The following DNAJC6 variants were observed in gnomAD, a reference collection of about 807,000 sequenced individuals.
DNAJC6 encodes DnaJ heat shock protein family (Hsp40) member C6.
DNAJC6 carries 34 observed loss-of-function variants against 110.0 expected under a neutral mutation model. The ratio of observed to expected loss-of-function variants is 0.31; its 90% CI spans 0.24 to 0.41. The LOEUF (loss-of-function observed/expected upper bound fraction) is 0.41, where lower values mean the gene tolerates loss of function less well. Ranked by LOEUF, DNAJC6 falls within the 10% of genes least tolerant of loss-of-function variation. The pLI is 1.00. For synonymous variants in DNAJC6, 406 were observed against 437.2 expected, an observed-to-expected ratio of 0.93 and a Z score of 0.89; for missense variants, 1,031 against 1,207.8, an observed-to-expected ratio of 0.85 and a Z score of 2.17.
At chr1:65,401,051 A>G (rs1646025623) in intron 14 of DNAJC6, among the ~76,000 whole-genome samples, 2 of 151,806 alleles carry the variant, frequency 1.3e-5, no homozygotes, top group African/African-American at 4.8e-5. Flanking sequence ...TTTGATTTGC[A>G]TTTCTATGAT....
In DNAJC6 at chr1:65,283,523, G is replaced by GATATAGC. The variant is rs138732073; in HGVS notation, c.-131+18595_-131+18601dup. Among the ~76,000 whole-genome samples the GATATAGC allele has an allele frequency of 3.8e-3, 582 of 152,184 alleles. 1 individual carries two copies. Among genetic ancestry groups the GATATAGC allele is most frequent in the African/African-American group, 0.013 (560 of 41,530 alleles). On this transcript the variant is annotated intron_variant, in intron 1 of 19. Transcript: ENST00000263441. Reference sequence around the variant, plus strand: ...CTGCTGAGTAGTATTCCCTAAAATGGATATAGCATAATTTGTTAAAATATT... The same window carrying GATATAGC: ...CTGCTGAGTAGTATTCCCTAAAATGGATATAGCATATAGCATAATTTGTTAAAATATT...
At chr1:65,285,359 C>T (rs942937912) in intron 1 of DNAJC6, among the ~76,000 whole-genome samples, 2 of 152,166 alleles carry the variant, frequency 1.3e-5, no homozygotes, top group Non-Finnish European at 2.9e-5. Flanking sequence ...ATCTTATTGC[C>T]CCTGCCTTAG....
intron 9 of DNAJC6, 26 bp from the exon 10 acceptor site, chr1:65,389,230 T>C: frequency 5.0e-6 from 8 of 1,599,308 alleles, no homozygotes; most frequent in Non-Finnish European, 6.8e-6. Flanking sequence ...TTTCACTGAA[T>C]TTATCTTTTT....
chr1:65,380,339 C>T (rs1342915838), intron 5 of DNAJC6, among the ~76,000 whole-genome samples: 2 of 152,202 alleles, frequency 1.3e-5, no homozygotes, highest in African/African-American at 4.8e-5. Flanking sequence ...TTTAAAGCTT[C>T]TATAAACTTT....
chr1:65,284,646 C>T (rs1021775951), intron 1 of DNAJC6, among the ~76,000 whole-genome samples: 2 of 152,092 alleles, frequency 1.3e-5, no homozygotes, highest in African/African-American at 4.8e-5. Flanking sequence ...AGTGTTTTCC[C>T]CAAATTTTGG....
At chr1:65,264,787 G>C (rs1322525868) in exon 1 of DNAJC6, 1 of 1,512,768 alleles carries the variant, frequency 6.6e-7, no homozygotes, top group East Asian at 2.4e-5. Flanking sequence ...ATCATAGCCC[G>C]AGTGCTCCTC....
In DNAJC6 at chr1:65,364,756, A is replaced by G. The variant is rs759323525; in HGVS notation, c.315A>G (p.Thr105=). The G allele has an allele frequency of 3.1e-6, 5 of 1,613,172 alleles. No individual in the cohort carries two copies. Among genetic ancestry groups the G allele is most frequent in the African/African-American group, 1.3e-5 (1 of 74,860 alleles). Residue 105 remains threonine, a synonymous_variant, in exon 2 of 19, where the codon ACA becomes ACG. Coordinates refer to ENST00000371069, the MANE Select transcript of DNAJC6 (RefSeq NM_001256864.2). ...KDNLKDTLKD[T]SSRVIQSVTS... ...ACTTGAAAGACACCCTCAAAGACAC[A>G]TCTTCTAGAGTGATACAATCTGTGA...
intron 1 of DNAJC6, chr1:65,278,907 A>T: frequency 1.1e-6 from 1 of 945,934 alleles, no homozygotes; most frequent in Non-Finnish European, 1.3e-6. Flanking sequence ...GCTGGGCGAC[A>T]TTCTCAGAAT....
intron 1 of DNAJC6, among the ~76,000 whole-genome samples, chr1:65,347,284 C>T (rs990109666): frequency 6.6e-6 from 1 of 152,146 alleles, no homozygotes; most frequent in African/African-American, 2.4e-5. Context: ...TTATTTTCTT[C>T]TCTATCTTAA....
chr1:65,383,823 C>T (rs1288393573), intron 5 of DNAJC6, among the ~76,000 whole-genome samples: 2 of 152,184 alleles, frequency 1.3e-5, no homozygotes, highest in African/African-American at 4.8e-5. Context: ...TGCCATATCC[C>T]AACAAGCAGC....
intron 13 of DNAJC6, among the ~76,000 whole-genome samples, chr1:65,398,076 T>C (rs1288351844): frequency 6.6e-6 from 1 of 152,218 alleles, no homozygotes; most frequent in Non-Finnish European, 1.5e-5. Flanking sequence ...TTTATAGATG[T>C]GTAAAAAACT....
rs369274494 is a variant in DNAJC6, at chr1:65,406,085, G to T, written c.2443G>T (p.Ala815Ser). The T allele has an allele frequency of 1.1e-5, 18 of 1,614,112 alleles. No homozygotes were observed. The African/African-American group carries it at 1.6e-4, about 14-fold the overall frequency. ...NRPNYNVSFS[A>S]MPGGQNERGK... ...ACCCAACTACAACGTGAGCTTCTCA[G>T]CCATGCCTGGGGGCCAGAACGAACG... Residue 815 changes from alanine (A) to serine (S), a missense_variant, in exon 16 of 19, where the codon GCC becomes TCC. Physicochemically the swap from Ala to Ser is moderately conservative, Grantham distance 99. Coordinates refer to ENST00000371069, the MANE Select transcript of DNAJC6 (RefSeq NM_001256864.2).
chr1:65,397,700 G>C (rs764678237), intron 13 of DNAJC6, among the ~76,000 whole-genome samples: 2 of 152,090 alleles, frequency 1.3e-5, no homozygotes, highest in Admixed American at 6.5e-5. Context: ...CAGATAGAAC[G>C]TACTAGCAAA....
At chr1:65,302,757 G>T (rs1645001031) in intron 1 of DNAJC6, among the ~76,000 whole-genome samples, 1 of 150,782 alleles carries the variant, frequency 6.6e-6, no homozygotes, top group Non-Finnish European at 1.5e-5. Context: ...GGATGGTCTC[G>T]ATCTCCTGAC....
At chr1:65,298,318 TG>T (rs1644946447) in intron 1 of DNAJC6, among the ~76,000 whole-genome samples, 1 of 151,974 alleles carries the variant, frequency 6.6e-6, no homozygotes, top group Non-Finnish European at 1.5e-5. Context: ...TGGGTGAAGG[TG>T]GGAGGTGAGG....
At position 65,355,882 on chromosome 1, in the gene DNAJC6, C is replaced by CTTT. The variant is rs372078909; in HGVS notation, c.194-8732_194-8730dup. Among the ~76,000 whole-genome samples, 275 of 82,852 alleles carry CTTT rather than the reference C, an allele frequency of 3.3e-3. 21 individuals carry two copies. The highest frequency in any genetic ancestry group is 0.011 in the African/African-American group (220 of 20,868). The allele number at this position is 82,852 out of a possible 152,430, so 54.4% of individuals were successfully genotyped here. On this transcript the variant is annotated intron_variant, in intron 1 of 18. Coordinates refer to ENST00000371069, the MANE Select transcript of DNAJC6 (RefSeq NM_001256864.2). ...TTAACCCTGAAATGGAACAGCATGGCTTTTTTTTTTTTTTTTTTTTTTTCT... is the reference window on the plus strand; with the variant it reads ...TTAACCCTGAAATGGAACAGCATGGCTTTTTTTTTTTTTTTTTTTTTTTTTTCT...
chr1:65,303,687 T>A (rs1417386365), intron 1 of DNAJC6, among the ~76,000 whole-genome samples: 1 of 152,120 alleles, frequency 6.6e-6, no homozygotes, highest in Non-Finnish European at 1.5e-5. Context: ...GCCTCCTGAG[T>A]AGCTGGAGCT....
At chr1:65,378,574 C>T (rs886173018) in intron 4 of DNAJC6, among the ~76,000 whole-genome samples, 1 of 152,200 alleles carries the variant, frequency 6.6e-6, no homozygotes, top group Admixed American at 6.5e-5. Context: ...TAAGCTTCTC[C>T]TTGTTGTTTC....
chr1:65,355,721 G>C (rs561977599), intron 1 of DNAJC6, among the ~76,000 whole-genome samples: 13 of 152,252 alleles, frequency 8.5e-5, no homozygotes, highest in African/African-American at 3.1e-4. Flanking sequence ...GAGTGATAAA[G>C]AGGTTCACTT....
Sources: allele counts gnomAD v4.1 joint callset (sites outside exome capture counted in the v4.1 genomes callset), GRCh38; gene constraint gnomAD v4.1.1; transcripts MANE v1.5; gene names NCBI Gene and HGNC (gene_info 2026-07-23, HGNC 2026-07-21).